Variants in ZCCHC2 observed in about 807,000 individuals in gnomAD.
ZCCHC2 encodes zinc finger CCHC domain-containing protein 2.
Under a neutral mutation model 103.6 loss-of-function variants are expected in ZCCHC2, and 39 were observed. The observed-to-expected ratio is 0.38, with a 90% CI of 0.29 to 0.49. The LOEUF (loss-of-function observed/expected upper bound fraction) is 0.49, where lower values mean the gene tolerates loss of function less well. Among genes scored for constraint, ZCCHC2 ranks in the 20% least tolerant of loss-of-function variants. The pLI is 0.96. For missense variants in ZCCHC2, 1,483 were observed against 1,491.0 expected (o/e 0.99, Z 0.09); for synonymous variants, 687 against 608.9 (o/e 1.13, Z -1.89).
chr18:62,579,309 G>A (rs1916979114), downstream of ZCCHC2, among the ~76,000 whole-genome samples: 1 of 152,172 alleles, frequency 6.6e-6, no homozygotes, highest in African/African-American at 2.4e-5. Flanking sequence ...TCAGTATAAT[G>A]TGTACTATTT....
chr18:62,580,197 C>A (rs572177195), downstream of ZCCHC2, among the ~76,000 whole-genome samples: 1 of 152,274 alleles, frequency 6.6e-6, no homozygotes, highest in East Asian at 1.9e-4. Flanking sequence ...TATATTTATT[C>A]ATTTTCCCTA....
chr18:62,538,016 A>G (rs138443939), intron 1 of ZCCHC2, among the ~76,000 whole-genome samples: 25 of 152,282 alleles, frequency 1.6e-4, no homozygotes, highest in African/African-American at 5.8e-4. Flanking sequence ...CATTTTTTTC[A>G]TATTTTGCAT....
chr18:62,584,240 T>C (rs964669718), intron 14 of ZCCHC2, among the ~76,000 whole-genome samples: 7 of 152,118 alleles, frequency 4.6e-5, no homozygotes, highest in African/African-American at 1.7e-4. Context: ...GGCTTCCTCT[T>C]GTCTGTTCTG....
chr18:62,579,817 G>A (rs1019427570), downstream of ZCCHC2, among the ~76,000 whole-genome samples: 6 of 152,080 alleles, frequency 3.9e-5, no homozygotes, highest in African/African-American at 1.4e-4. Context: ...CCACCTCCCG[G>A]GTTCAAGTGA....
rs1598969839 is a variant in ZCCHC2 at position 62,576,757 on chromosome 18, A to G, written c.*178A>G. The G allele has an allele frequency of 5.2e-6, 3 of 580,928 alleles. No individual in the cohort carries two copies. The highest frequency in any genetic ancestry group is 9.1e-6 in the Non-Finnish European group (3 of 331,388). The allele number at this position is 580,928 out of a possible 1,614,324, so 36.0% of individuals were successfully genotyped here. A position where few individuals can be genotyped will look rare whatever the true frequency, so the allele number is the denominator to read the frequency against. ...AACAAGAAAGAATGCAATGCTTTTG[A>G]GCCTCTGGTCTCCTGGTTCAACAAC... On this transcript the variant is annotated 3_prime_UTR_variant, in exon 14 of 14. Coordinates refer to ENST00000269499, the MANE Select transcript of ZCCHC2 (RefSeq NM_017742.6).
chr18:62,580,336 T>C (rs373990357), downstream of ZCCHC2, among the ~76,000 whole-genome samples: 233 of 152,390 alleles, frequency 1.5e-3, 7 homozygotes, highest in South Asian at 0.047. Flanking sequence ...CCCTGGTTCG[T>C]GTGTACACGA....
intron 2 of ZCCHC2, among the ~76,000 whole-genome samples, chr18:62,540,096 A>G (rs1568542262): frequency 6.6e-6 from 1 of 152,298 alleles, no homozygotes; most frequent in Non-Finnish European, 1.5e-5. Flanking sequence ...AGTATTTAGT[A>G]TAGTGCTTTA....
In ZCCHC2 at chr18:62,567,243, A is replaced by T. The variant is rs1598961128; in HGVS notation, c.1846+2147A>T. On this transcript the variant is annotated intron_variant, in intron 11 of 13. Coordinates refer to ENST00000269499, the MANE Select transcript of ZCCHC2 (RefSeq NM_017742.6). ...AAGGAAGAATTGTCTTTAAGCATTC[A>T]GTAAACTCAGTACGTGCCTAAGGAT... Among the ~76,000 whole-genome samples the T allele has an allele frequency of 2.0e-5, 3 of 152,256 alleles. No homozygotes were observed. In the South Asian group the frequency reaches 6.2e-4, roughly 31 times the overall value.
chr18:62,559,767 A>G (rs1010142200), intron 7 of ZCCHC2, among the ~76,000 whole-genome samples: 1 of 152,232 alleles, frequency 6.6e-6, no homozygotes, highest in African/African-American at 2.4e-5. Flanking sequence ...TGTACTAGGT[A>G]GCAATTAAAA....
rs555928556 is a variant in ZCCHC2, at chr18:62,542,436, G to C, written c.1052-62G>C. ...CTTGTCAACTTTTAGGGTTACTTTA[G>C]GTAAGTGAAATGTGTCTATAGTCTT... On this transcript the variant is annotated intron_variant, in intron 2 of 13. Transcript: ENST00000269499. The C allele has an allele frequency of 4.4e-6, 6 of 1,353,948 alleles. No individual in the cohort carries two copies. The Admixed American group carries it at 1.3e-4, about 29-fold the overall frequency. The allele number at this position is 1,353,948 out of a possible 1,614,324, so 83.9% of individuals were successfully genotyped here. A position where few individuals can be genotyped will look rare whatever the true frequency, so the allele number is the denominator to read the frequency against.
intron 5 of ZCCHC2, chr18:62,551,608 A>C (rs574977613): frequency 6.5e-6 from 1 of 153,212 alleles, no homozygotes; most frequent in Non-Finnish European, 1.5e-5. Flanking sequence ...CGGGTAATTA[A>C]GCAGCGAGAG....
Position 62,523,521 on chromosome 18 carries a change from G to C in ZCCHC2, c.97G>C (p.Ala33Pro), listed in dbSNP as rs1449930692. The change falls in exon 1 of 14, where the codon GCG becomes CCG. Residue 33 changes from alanine (A) to proline (P), a missense_variant. By Grantham distance (27) the Ala-to-Pro change is conservative (BLOSUM62 -1). Transcript: ENST00000269499. ...PEADARPGAK[A>P]PSRRRRDCRP... ...GGCGGACGCGCGGCCGGGCGCGAAG[G>C]CGCCTTCGCGCCGCCGCCGCGACTG... 9 of 961,642 alleles carry C rather than the reference G, an allele frequency of 9.4e-6. No homozygotes were observed. Among genetic ancestry groups the C allele is most frequent in the African/African-American group, 1.9e-5 (1 of 53,430 alleles). 59.6% of individuals were successfully genotyped at this position (961,642 alleles called of 1,614,324 possible). A position where few individuals can be genotyped will look rare whatever the true frequency, so the allele number is the denominator to read the frequency against.
intron 2 of ZCCHC2, 56 bp downstream of exon 2, chr18:62,539,848 G>A: frequency 1.5e-6 from 2 of 1,332,682 alleles, no homozygotes; most frequent in South Asian, 1.3e-5. Context: ...ATTACAGGGT[G>A]CTCTTTACGC....
Position 62,576,863 on chromosome 18 carries a change from A to G in ZCCHC2, c.*284A>G, listed in dbSNP as rs1490136979. ...TGCGTGCTTTTTTTTTTTTTTTTAC[A>G]CTGAATACTTGCTGTGTGCAATGTT... is the stretch of plus-strand genomic sequence containing the variant. On this transcript the variant is annotated 3_prime_UTR_variant, in exon 14 of 14. Transcript: ENST00000269499. 3.5e-6 allele frequency: 1 copy of G among 284,650 alleles called. No homozygotes were observed. 17.6% of individuals were successfully genotyped at this position (284,650 alleles called of 1,614,324 possible). A position where few individuals can be genotyped will look rare whatever the true frequency, so the allele number is the denominator to read the frequency against.
intron 1 of ZCCHC2, among the ~76,000 whole-genome samples, chr18:62,533,964 T>G (rs966093160): frequency 6.6e-6 from 1 of 152,022 alleles, no homozygotes; most frequent in African/African-American, 2.4e-5. Context: ...ATAAAAAAAT[T>G]TGCAGTTATA....
chr18:62,537,582 G>A, intron 1 of ZCCHC2, among the ~76,000 whole-genome samples: 1 of 151,946 alleles, frequency 6.6e-6, no homozygotes, highest in East Asian at 1.9e-4. Flanking sequence ...ACTCTCTTTG[G>A]GATTCATCTA....
intron 1 of ZCCHC2, chr18:62,524,783 C>G (rs1231349215): frequency 2.3e-5 from 4 of 176,512 alleles, no homozygotes; most frequent in Non-Finnish European, 4.7e-5. Flanking sequence ...CCAGGCAGCG[C>G]CGTCCTTCCC....
At chr18:62,534,885 A>G (rs1202980645) in intron 1 of ZCCHC2, among the ~76,000 whole-genome samples, 1 of 152,240 alleles carries the variant, frequency 6.6e-6, no homozygotes, top group Non-Finnish European at 1.5e-5. Flanking sequence ...GGTGTGAAAC[A>G]CAAGTCCTAA....
chr18:62,524,408 C>T, intron 1 of ZCCHC2, 45 bp downstream of exon 1: 3 of 1,429,946 alleles, frequency 2.1e-6, no homozygotes, highest in Non-Finnish European at 2.7e-6. Flanking sequence ...CGATCGCTGC[C>T]CCGGCGGCCT....
Sources: allele counts gnomAD v4.1 joint callset (sites outside exome capture counted in the v4.1 genomes callset), GRCh38; gene constraint gnomAD v4.1.1; transcripts MANE v1.5; gene names NCBI Gene and HGNC (gene_info 2026-07-23, HGNC 2026-07-21).